Variants in C2CD3 observed in about 807,000 individuals in gnomAD.
C2CD3 encodes C2 domain containing 3 centriole elongation regulator.
C2CD3 carries 148 observed loss-of-function variants against 234.0 expected under a neutral mutation model. The ratio of observed to expected loss-of-function variants is 0.63; its 90% CI spans 0.55 to 0.72. The LOEUF is 0.72. C2CD3 is among the 30% of genes least tolerant of loss of function. The pLI is 0.00. For missense variants in C2CD3, 2,577 were observed against 2,811.5 expected, an observed-to-expected ratio of 0.92 and a Z score of 1.89; for synonymous variants, 1,000 against 1,035.4, an observed-to-expected ratio of 0.97 and a Z score of 0.66.
intron 8 of C2CD3, among the ~76,000 whole-genome samples, chr11:74,121,032 G>C (rs1018806001): frequency 1.3e-5 from 2 of 151,964 alleles, no homozygotes; most frequent in African/African-American, 4.8e-5. Context: ...TTCAGGAGTG[G>C]CAAGTGGCTT....
chr11:74,077,799 A>ATG (rs1955119487), intron 23 of C2CD3, among the ~76,000 whole-genome samples: 1 of 17,004 alleles, frequency 5.9e-5, no homozygotes, highest in Non-Finnish European at 1.4e-4. Flanking sequence ...ATATATATAT[A>ATG]TATATATATA....
chr11:74,072,173 G>T (rs770577968), intron 24 of C2CD3, among the ~76,000 whole-genome samples: 9 of 151,924 alleles, frequency 5.9e-5, no homozygotes, highest in Non-Finnish European at 1.3e-4. Context: ...AGTAAAAATT[G>T]TTCAATTTTG....
At chr11:74,112,597 A>C (rs1956785375) in intron 11 of C2CD3, among the ~76,000 whole-genome samples, 1 of 152,226 alleles carries the variant, frequency 6.6e-6, no homozygotes, top group Admixed American at 6.5e-5. Flanking sequence ...AAGAACTCTT[A>C]TAACTCAATA....
At chr11:74,022,699 A>T (rs1952139687) in intron 32 of C2CD3, among the ~76,000 whole-genome samples, 1 of 152,262 alleles carries the variant, frequency 6.6e-6, no homozygotes, top group Admixed American at 6.5e-5. Context: ...AAGCAGAATC[A>T]CAAAAAACTT....
At chr11:74,134,447 T>C (rs1044993480) in intron 5 of C2CD3, among the ~76,000 whole-genome samples, 9 of 152,132 alleles carry the variant, frequency 5.9e-5, no homozygotes, top group Non-Finnish European at 1.3e-4. Flanking sequence ...GTCTAGGAGT[T>C]TGAGGTGATA....
At chr11:74,094,069 TTC>T in intron 17 of C2CD3, 70 bp from the exon 18 acceptor site, 1 of 1,259,494 alleles carries the variant, frequency 7.9e-7, no homozygotes, top group South Asian at 1.4e-5. Context: ...TTTCATGTTC[TTC>T]CAGTGAATAT....
At chr11:74,099,983 C>T (rs79811920) in intron 15 of C2CD3, among the ~76,000 whole-genome samples, 6,983 of 151,980 alleles carry the variant, frequency 0.046, 505 homozygotes, top group African/African-American at 0.16. Context: ...ACCCCACCTA[C>T]GTGTTAAAAG....
intron 11 of C2CD3, 180 bp downstream of exon 11, chr11:74,113,600 A>G (rs775902868): frequency 3.3e-5 from 20 of 598,804 alleles, no homozygotes; most frequent in Non-Finnish European, 5.8e-5. Context: ...GAATCACTTG[A>G]ACCCGGGAGG....
chr11:74,061,418 A>C (rs1273558604), intron 24 of C2CD3, among the ~76,000 whole-genome samples: 1 of 152,260 alleles, frequency 6.6e-6, no homozygotes, highest in Admixed American at 6.5e-5. Context: ...TCAGACTAAC[A>C]GCAGATCTCT....
At chr11:74,034,681 C>G (rs1952656595) in intron 30 of C2CD3, 4 of 1,250,438 alleles carry the variant, frequency 3.2e-6, no homozygotes, top group Non-Finnish European at 4.7e-6. Flanking sequence ...ACCTATTTTA[C>G]TTCGAAAATA....
intron 24 of C2CD3, among the ~76,000 whole-genome samples, chr11:74,067,578 T>C (rs186642365): frequency 6.6e-6 from 1 of 152,120 alleles, no homozygotes; most frequent in African/African-American, 2.4e-5. Context: ...TCTAATTTAA[T>C]GGTAGTAGGC....
chr11:74,160,061 A>G (rs977345936), intron 3 of C2CD3, among the ~76,000 whole-genome samples: 1 of 152,216 alleles, frequency 6.6e-6, no homozygotes, highest in African/African-American at 2.4e-5. Flanking sequence ...TTACAACAGT[A>G]TTCAGTATAG....
chr11:74,043,901 G>A (rs1953211649), intron 28 of C2CD3, among the ~76,000 whole-genome samples: 1 of 151,966 alleles, frequency 6.6e-6, no homozygotes, highest in African/African-American at 2.4e-5. Context: ...ATGGCTCAAT[G>A]CAGCCCTGAC....
rs540184556 is a variant in C2CD3 at position 74,099,370 on chromosome 11, A to T, written c.2733-1115T>A. On this transcript the variant is annotated intron_variant, in intron 15 of 32. Coordinates refer to ENST00000334126, the MANE Select transcript of C2CD3 (RefSeq NM_001286577.2). ...TTTTACAGATGAGGAAAAGAAAGTC[A>T]GAGAGGTTAAGTGACTTCTGCAAGT... 6.6e-5 allele frequency among the ~76,000 whole-genome samples: 10 copies of T among 152,230 alleles called. No homozygotes were observed. The South Asian group carries it at 2.1e-3, about 32-fold the overall frequency.
rs768310798 is a variant in C2CD3, at chr11:74,095,289, G to A, written c.3099C>T (p.Tyr1033=). 2.5e-6 allele frequency: 4 copies of A among 1,613,712 alleles called. No homozygotes were observed. The highest frequency in any genetic ancestry group is 1.3e-5 in the African/African-American group (1 of 74,914). ...ATTGAGAGTGTTGAACTGGAAAGTAGTACTGGACATAACAATCTGCTTCTC... is the reference window on the plus strand; with the variant it reads ...ATTGAGAGTGTTGAACTGGAAAGTAATACTGGACATAACAATCTGCTTCTC... ...VWGEADCYVQ[Y]YFPVQHSQSS... Residue 1033 remains tyrosine (Y), a synonymous_variant, in exon 17 of 33, where the codon TAC becomes TAT. Transcript: ENST00000334126.
rs1955930643 is a variant in C2CD3, at chr11:74,092,416, C to T, written c.3517G>A (p.Gly1173Ser). 1 of 1,612,498 alleles carries T rather than the reference C, an allele frequency of 6.2e-7. No homozygotes were observed. The highest frequency in any genetic ancestry group is 1.1e-5 in the South Asian group (1 of 90,952). The stretch of plus-strand genomic sequence containing the variant: ...AAAAGACAAACTTGTTTTCAATTAC[C>T]TGATGACTGGTTCCTCAATTCTTTC... Reference protein sequence around the residue: ...NRKELRNQSSGLLDVGLRYRR... With the variant: ...NRKELRNQSSSLLDVGLRYRR... Residue 1173 changes from glycine to serine, a missense_variant and splice_region_variant, in exon 19 of 33, where the codon GGT becomes AGT. Physicochemically the swap from Gly to Ser is moderately conservative, Grantham distance 56. Coordinates refer to ENST00000334126, the MANE Select transcript of C2CD3 (RefSeq NM_001286577.2).
intron 3 of C2CD3, among the ~76,000 whole-genome samples, chr11:74,159,657 T>TA (rs57331081): frequency 2.6e-5 from 4 of 151,574 alleles, no homozygotes; most frequent in East Asian, 1.9e-4. Context: ...GTCAAAAAGT[T>TA]AAAAAAAAAT....
intron 32 of C2CD3, among the ~76,000 whole-genome samples, chr11:74,020,937 C>A (rs901588464): frequency 3.3e-5 from 5 of 152,056 alleles, no homozygotes; most frequent in South Asian, 2.1e-4. Flanking sequence ...TTGTGAGGAG[C>A]AAGGGAAGCA....
chr11:74,081,604 TTCATCA>T (rs60381365), intron 22 of C2CD3, among the ~76,000 whole-genome samples: 4,003 of 151,518 alleles, frequency 0.026, 173 homozygotes, highest in African/African-American at 0.091. Flanking sequence ...TGCCATATTC[TTCATCA>T]TCATCATCAT....
Sources: gnomAD v4.1 joint callset for allele counts (sites outside exome capture counted in the v4.1 genomes callset) on GRCh38, gnomAD v4.1.1 for gene constraint, MANE v1.5 for transcripts, NCBI Gene and HGNC (gene_info 2026-07-23, HGNC 2026-07-21) for gene names.